The following RAP1GAP2 variants were observed in gnomAD, a reference collection of about 807,000 sequenced individuals.
RAP1GAP2 encodes the protein rap1 GTPase-activating protein 2.
In RAP1GAP2, 27 loss-of-function variants were observed where a neutral mutation model predicts 95.0. The ratio of observed to expected loss-of-function variants is 0.28; its 90% confidence interval spans 0.21 to 0.39. The LOEUF (loss-of-function observed/expected upper bound fraction) is 0.39. RAP1GAP2 is among the 10% of genes least tolerant of loss of function. The pLI is 1.00. For synonymous variants in RAP1GAP2, 373 were observed against 380.9 expected (o/e 0.98, Z 0.24); for missense variants, 771 against 970.0 (o/e 0.79, Z 2.72).
At chr17:2,828,200 G>T (rs1311673608) in intron 2 of RAP1GAP2, among the ~76,000 whole-genome samples, 11 of 152,100 alleles carry the variant, frequency 7.2e-5, no homozygotes, top group Admixed American at 7.2e-4. Flanking sequence ...AATTAGCAGG[G>T]TGTGGTGGTG....
intron 2 of RAP1GAP2, among the ~76,000 whole-genome samples, chr17:2,808,767 G>A (rs2069629239): frequency 6.6e-6 from 1 of 152,344 alleles, no homozygotes; most frequent in Non-Finnish European, 1.5e-5. Context: ...TTCAGGATGG[G>A]CCCTGTGCCT....
rs568636166 is a variant in RAP1GAP2, at chr17:2,854,347, G to A, written c.81-50937G>A. 2.6e-5 allele frequency among the ~76,000 whole-genome samples: 4 copies of A among 152,324 alleles called. No homozygotes were observed. The East Asian group carries it at 7.7e-4, about 29-fold the overall frequency. ...GGGCGCATCGGGGTGGATCCCTGAC[G>A]GAGGGACCCCAAGTCCGTCGCCCCC... is the stretch of plus-strand genomic sequence containing the variant. On this transcript the variant is annotated intron_variant, in intron 2 of 24. Transcript: ENST00000254695.
intron 2 of RAP1GAP2, among the ~76,000 whole-genome samples, chr17:2,877,999 G>A (rs892264307): frequency 6.6e-6 from 1 of 152,064 alleles, no homozygotes; most frequent in Non-Finnish European, 1.5e-5. Context: ...TGAGCTGAGA[G>A]ACGTGTAGGA....
chr17:2,927,483 G>T (rs561596814), intron 3 of RAP1GAP2, among the ~76,000 whole-genome samples: 3 of 152,240 alleles, frequency 2.0e-5, no homozygotes, highest in African/African-American at 7.2e-5. Context: ...GCCGTCTCTC[G>T]GATTCCCTCT....
intron 2 of RAP1GAP2, among the ~76,000 whole-genome samples, chr17:2,872,301 AAG>A (rs1382939794): frequency 1.3e-5 from 2 of 151,048 alleles, no homozygotes; most frequent in Non-Finnish European, 3.0e-5. Context: ...CTCCAAAACA[AAG>A]AGTTTCTTTG....
intron 1 of RAP1GAP2, among the ~76,000 whole-genome samples, chr17:2,759,746 C>T (rs1179576510): frequency 2.0e-5 from 3 of 152,186 alleles, no homozygotes; most frequent in East Asian, 1.9e-4. Flanking sequence ...CCACCGCGCC[C>T]GGCCAATTCT....
intron 3 of RAP1GAP2, among the ~76,000 whole-genome samples, chr17:2,905,823 G>A (rs1173794594): frequency 1.3e-5 from 2 of 152,166 alleles, no homozygotes; most frequent in Non-Finnish European, 2.9e-5. Flanking sequence ...CTGGAGGTTC[G>A]GGTCGGGGTG....
In RAP1GAP2 at chr17:2,797,903, C is replaced by T. The variant is rs757098564; in HGVS notation, c.44+1332C>T. 101 of 557,344 alleles carry T rather than the reference C, an allele frequency of 1.8e-4. No individual in the cohort carries two copies. Among genetic ancestry groups the T allele is most frequent in the East Asian group, 2.9e-4 (2 of 6,858 alleles). The allele number at this position is 557,344 out of a possible 1,614,324, so 34.5% of individuals were successfully genotyped here. A position where few individuals can be genotyped will look rare whatever the true frequency, so the allele number is the denominator to read the frequency against. The stretch of plus-strand genomic sequence containing the variant: ...CAATTAGATTGTGCCCTCCAAGGCC[C>T]GCCTTTCTCTGGGAGGTGTGGAGCA... On this transcript the variant is annotated intron_variant, in intron 1 of 24. Transcript: ENST00000254695. This position sits in a 1 kb window ranked among gnomAD's most constrained non-coding sequence, Gnocchi z 5.6.
In RAP1GAP2 at chr17:3,003,547, C is replaced by T. The variant is rs2151600317; in HGVS notation, c.1201-1822C>T. The stretch of plus-strand genomic sequence containing the variant: ...CCGCGGCTCCCAGGCCACTCTTGGG[C>T]GTGGGGCCTTTGTCACGTTTGAAGC... On this transcript the variant is annotated intron_variant, in intron 14 of 24. Transcript: ENST00000254695. This position sits in a 1 kb window ranked among gnomAD's most constrained non-coding sequence, Gnocchi z 4.1. Among the ~76,000 whole-genome samples the T allele has an allele frequency of 6.6e-6, 1 of 152,226 alleles. No individual in the cohort carries two copies. Among genetic ancestry groups the T allele is most frequent in the East Asian group, 1.9e-4 (1 of 5,142 alleles).
intron 2 of RAP1GAP2, among the ~76,000 whole-genome samples, chr17:2,806,649 G>A (rs972561759): frequency 2.6e-5 from 4 of 151,208 alleles, no homozygotes; most frequent in Admixed American, 6.6e-5. Flanking sequence ...CACTTGTCTC[G>A]GCCTCCCAAA....
chr17:3,024,847 C>T (rs2047056806), intron 19 of RAP1GAP2, among the ~76,000 whole-genome samples: 1 of 152,144 alleles, frequency 6.6e-6, no homozygotes, highest in African/African-American at 2.4e-5. Flanking sequence ...CATGAATGTC[C>T]AGAAGAGTAC....
intron 3 of RAP1GAP2, among the ~76,000 whole-genome samples, chr17:2,953,669 A>G (rs1305416288): frequency 4.6e-5 from 7 of 152,130 alleles, no homozygotes; most frequent in Admixed American, 1.3e-4. Flanking sequence ...CAACATGGTG[A>G]AACCCTGTCT....
chr17:2,898,128 G>T (rs2041901131), intron 2 of RAP1GAP2, among the ~76,000 whole-genome samples: 3 of 152,040 alleles, frequency 2.0e-5, no homozygotes, highest in Admixed American at 2.0e-4. Flanking sequence ...GCCCAGGTTG[G>T]TCTTGAACTC....
chr17:2,853,848 C>A lies in RAP1GAP2; in HGVS notation c.81-51436C>A, dbSNP rs1352596903. ...GAGGGGAGAGCGCGCGGTCACCTGACCCCCGGGGCGCACCTAGGCGGGGCG... is the reference window on the plus strand; with the variant it reads ...GAGGGGAGAGCGCGCGGTCACCTGAACCCCGGGGCGCACCTAGGCGGGGCG... On this transcript the variant is annotated intron_variant, in intron 2 of 24. Coordinates refer to ENST00000254695, the MANE Select transcript of RAP1GAP2 (RefSeq NM_015085.5). The A allele has an allele frequency of 3.4e-6, 3 of 894,306 alleles. No homozygotes were observed. In the East Asian group the frequency reaches 3.6e-4, roughly 108 times the overall value. The allele number at this position is 894,306 out of a possible 1,614,324, so 55.4% of individuals were successfully genotyped here. A position where few individuals can be genotyped will look rare whatever the true frequency, so the allele number is the denominator to read the frequency against.
At chr17:2,878,339 C>T (rs989232304) in intron 2 of RAP1GAP2, among the ~76,000 whole-genome samples, 1 of 152,128 alleles carries the variant, frequency 6.6e-6, no homozygotes, top group Admixed American at 6.5e-5. Context: ...GGGGATGTGG[C>T]ATCTGGAGCT....
At position 3,029,282 on chromosome 17, in the gene RAP1GAP2, G is replaced by C. The variant is rs1422134935; in HGVS notation, c.2108-1640G>C. Among the ~76,000 whole-genome samples, 1 of 152,186 alleles carries C rather than the reference G, an allele frequency of 6.6e-6. No homozygotes were observed. Among genetic ancestry groups the C allele is most frequent in the African/African-American group, 2.4e-5 (1 of 41,438 alleles). On this transcript the variant is annotated intron_variant, in intron 22 of 24. Transcript: ENST00000254695. The surrounding 1 kb of genome is among the most constrained non-coding windows in gnomAD (Gnocchi z 4.4). ...TGCTGAAGGTCACCGAGGGCGGAAGGGACCTGGAGCGGGTCTGGTGACTTA... is the reference window on the plus strand; with the variant it reads ...TGCTGAAGGTCACCGAGGGCGGAAGCGACCTGGAGCGGGTCTGGTGACTTA...
intron 2 of RAP1GAP2, among the ~76,000 whole-genome samples, chr17:2,873,182 G>A (rs1007119980): frequency 3.3e-5 from 5 of 151,364 alleles, no homozygotes; most frequent in African/African-American, 9.7e-5. Context: ...GCAGTAGGCT[G>A]GGTGCAGTGG....
intron 3 of RAP1GAP2, among the ~76,000 whole-genome samples, chr17:2,940,511 G>A (rs2043455677): frequency 2.6e-5 from 4 of 152,236 alleles, no homozygotes; most frequent in Middle Eastern, 3.2e-3. Flanking sequence ...TGGCCTGGAC[G>A]CTTGGAGCTG....
At chr17:2,879,415 C>T (rs1013186048) in intron 2 of RAP1GAP2, among the ~76,000 whole-genome samples, 1 of 152,076 alleles carries the variant, frequency 6.6e-6, no homozygotes, top group Non-Finnish European at 1.5e-5. Flanking sequence ...TGCGCCCGGC[C>T]ACAAAGCCCT....
Sources: allele counts gnomAD v4.1 joint callset (sites outside exome capture counted in the v4.1 genomes callset), GRCh38; gene constraint gnomAD v4.1.1; non-coding constraint Gnocchi (gnomAD v3.1); transcripts MANE v1.5; gene names NCBI Gene and HGNC (gene_info 2026-07-23, HGNC 2026-07-21).